Variants in RIMKLB observed in about 807,000 individuals in gnomAD.
RIMKLB encodes beta-citrylglutamate synthase B.
RIMKLB carries 7 observed loss-of-function variants against 32.0 expected under a neutral mutation model. The ratio of observed to expected loss-of-function variants is 0.22; its 90% CI spans 0.12 to 0.41. The LOEUF is 0.41. Among genes scored for constraint, RIMKLB ranks in the 10% least tolerant of loss-of-function variants. RIMKLB has a pLI of 1.00. For missense variants in RIMKLB, 289 were observed against 498.7 expected (o/e 0.58, Z 4.00); for synonymous variants, 172 against 185.1 (o/e 0.93, Z 0.57).
intron 2 of RIMKLB, among the ~76,000 whole-genome samples, chr12:8,724,949 T>C (rs1945837990): frequency 6.6e-6 from 1 of 152,220 alleles, no homozygotes; most frequent in Admixed American, 6.5e-5. Flanking sequence ...ACTGTCCTTC[T>C]TACCCTCTTT....
At chr12:8,714,093 A>G (rs777258779) in intron 2 of RIMKLB, 52 bp downstream of exon 2, 1 of 1,475,624 alleles carries the variant, frequency 6.8e-7, no homozygotes. Flanking sequence ...AATATGATGA[A>G]TCTGCATGTT....
At chr12:8,723,826 T>TC (rs1945715309) in intron 2 of RIMKLB, among the ~76,000 whole-genome samples, 1 of 145,534 alleles carries the variant, frequency 6.9e-6, no homozygotes, top group Non-Finnish European at 1.5e-5. Flanking sequence ...TTTTTTTTTT[T>TC]TTGGAGACAG....
At chr12:8,777,706 G>A, downstream of RIMKLB, 1 of 1,283,294 alleles carries the variant, frequency 7.8e-7, no homozygotes, top group Non-Finnish European at 1.0e-6. Flanking sequence ...TTCGGGGTCA[G>A]TGCCCTTCTA....
At chr12:8,726,978 T>C (rs1035016172) in intron 2 of RIMKLB, among the ~76,000 whole-genome samples, 1 of 152,232 alleles carries the variant, frequency 6.6e-6, no homozygotes, top group Admixed American at 6.5e-5. Context: ...ATGTAGCTTT[T>C]TAAAGTGGTT....
intron 2 of RIMKLB, among the ~76,000 whole-genome samples, chr12:8,718,697 G>T (rs893990500): frequency 1.3e-5 from 2 of 151,374 alleles, no homozygotes; most frequent in African/African-American, 4.9e-5. Flanking sequence ...GTGTGTGTGT[G>T]TGTGTGTGTG....
chr12:8,760,912 G>GT (rs1440177996), intron 5 of RIMKLB, among the ~76,000 whole-genome samples: 1 of 152,094 alleles, frequency 6.6e-6, no homozygotes, highest in East Asian at 1.9e-4. Flanking sequence ...TCTGATGGTA[G>GT]TTTCTTTTGC....
chr12:8,720,458 A>C (rs1945327299), intron 2 of RIMKLB, among the ~76,000 whole-genome samples: 1 of 152,200 alleles, frequency 6.6e-6, no homozygotes, highest in Non-Finnish European at 1.5e-5. Context: ...GGAGCTCAGG[A>C]GTCTAGTAGA....
chr12:8,773,268 T>C, intron 5 of RIMKLB, 53 bp from the exon 6 acceptor site: 2 of 1,347,720 alleles, frequency 1.5e-6, no homozygotes, highest in East Asian at 4.6e-5. Flanking sequence ...AACTTTAATT[T>C]TATTTCAAAA....
chr12:8,707,176 T>C (rs1446386661), intron 1 of RIMKLB, among the ~76,000 whole-genome samples: 1 of 152,208 alleles, frequency 6.6e-6, no homozygotes, highest in African/African-American at 2.4e-5. Context: ...AGGTGTCCTC[T>C]AATTTCTGAC....
rs1288026458 is a variant in RIMKLB, at chr12:8,742,862, C to T, written c.176-7000C>T. ...AGAGACATCTTAGTTAACCTGCCGACCATTACTCTGTGTAACAGATTCTCT... is the reference window on the plus strand; with the variant it reads ...AGAGACATCTTAGTTAACCTGCCGATCATTACTCTGTGTAACAGATTCTCT... On this transcript the variant is annotated intron_variant, in intron 2 of 5. Coordinates refer to ENST00000535829, the MANE Select transcript of RIMKLB (RefSeq NM_001297776.2). 4 of 185,824 alleles carry T rather than the reference C, an allele frequency of 2.2e-5. 1 individual carries two copies. Among genetic ancestry groups the T allele is most frequent in the African/African-American group, 9.5e-5 (4 of 41,952 alleles). 11.5% of individuals were successfully genotyped at this position (185,824 alleles called of 1,614,324 possible). A position where few individuals can be genotyped will look rare whatever the true frequency, so the allele number is the denominator to read the frequency against.
At chr12:8,778,428 C>G (rs1407779934), downstream of RIMKLB, among the ~76,000 whole-genome samples, 1 of 152,022 alleles carries the variant, frequency 6.6e-6, no homozygotes, top group Non-Finnish European at 1.5e-5. Flanking sequence ...TTCTAAGATA[C>G]TAGTTCTAAC....
At chr12:8,746,267 C>T (rs566444459) in intron 2 of RIMKLB, among the ~76,000 whole-genome samples, 6 of 151,572 alleles carry the variant, frequency 4.0e-5, no homozygotes, top group African/African-American at 1.5e-4. Flanking sequence ...TTAGAATGCT[C>T]TTTAGATTTG....
intron 2 of RIMKLB, among the ~76,000 whole-genome samples, chr12:8,735,957 C>T (rs1185652804): frequency 5.3e-5 from 8 of 151,240 alleles, no homozygotes; most frequent in African/African-American, 1.9e-4. Flanking sequence ...CTCAAACTCC[C>T]GACCTCAGGT....
Position 8,746,461 on chromosome 12 carries a change from G to A in RIMKLB, c.176-3401G>A, listed in dbSNP as rs183755006. ...AAAATACAAACAAGTAGCCGGGCGC[G>A]GTGGTGCATGCCTGTGGTCCCAGCT... On this transcript the variant is annotated intron_variant, in intron 2 of 5. Coordinates refer to ENST00000535829, the MANE Select transcript of RIMKLB (RefSeq NM_001297776.2). Among the ~76,000 whole-genome samples the A allele has an allele frequency of 8.4e-3, 1,270 of 151,506 alleles. 13 individuals carry two copies. The highest frequency in any genetic ancestry group is 9.0e-3 in the Non-Finnish European group (610 of 67,976).
At chr12:8,768,163 A>G (rs1324293618) in intron 5 of RIMKLB, among the ~76,000 whole-genome samples, 1 of 152,174 alleles carries the variant, frequency 6.6e-6, no homozygotes, top group Non-Finnish European at 1.5e-5. Context: ...CCCAGCGACT[A>G]CTGTTCAGCT....
In RIMKLB at chr12:8,714,057, A is replaced by C. The variant is rs1944592750; in HGVS notation, c.175+16A>C. 3 of 1,609,490 alleles carry C rather than the reference A, an allele frequency of 1.9e-6. No individual in the cohort carries two copies. Among genetic ancestry groups the C allele is most frequent in the Non-Finnish European group, 2.6e-6 (3 of 1,176,342 alleles). On this transcript the variant is annotated intron_variant, in intron 2 of 5. Transcript: ENST00000535829. ...GGAAACCTGGGTAAGTCTGTATACT[A>C]AGTGATCTTTTGGATTTTTACCTAG... is the stretch of plus-strand genomic sequence containing the variant.
the RIMKLB span, among the ~76,000 whole-genome samples, chr12:8,669,798 C>G: frequency 1.3e-5 from 2 of 151,686 alleles, no homozygotes; most frequent in African/African-American, 4.8e-5. Flanking sequence ...GAGGCCGAGG[C>G]GGGCGGATCA....
At chr12:8,746,154 ATCT>A (rs1348133102) in intron 2 of RIMKLB, among the ~76,000 whole-genome samples, 3 of 151,748 alleles carry the variant, frequency 2.0e-5, no homozygotes, top group Non-Finnish European at 4.4e-5. Flanking sequence ...CAAATCCAAC[ATCT>A]TCTGCCCCAA....
At chr12:8,748,216 C>G (rs1012556603) in intron 2 of RIMKLB, among the ~76,000 whole-genome samples, 1 of 152,140 alleles carries the variant, frequency 6.6e-6, no homozygotes, top group African/African-American at 2.4e-5. Context: ...GTAGTCTTCC[C>G]TAGCCACAGT....
Sources: allele counts gnomAD v4.1 joint callset (sites outside exome capture counted in the v4.1 genomes callset), GRCh38; gene constraint gnomAD v4.1.1; transcripts MANE v1.5; gene names NCBI Gene and HGNC (gene_info 2026-07-23, HGNC 2026-07-21).